UBE2G1: variants seen among roughly 807,000 people sequenced by gnomAD.
The protein encoded by UBE2G1 is ubiquitin-conjugating enzyme E2 G1.
UBE2G1 carries 5 observed loss-of-function variants against 22.7 expected under a neutral mutation model. That is an observed-to-expected ratio of 0.22 (90% confidence interval 0.12 to 0.46). The LOEUF (loss-of-function observed/expected upper bound fraction) is 0.46. Ranked by LOEUF, UBE2G1 falls within the 20% of genes least tolerant of loss-of-function variation. The probability of loss-of-function intolerance (pLI) is 0.99; values close to 1 mark genes in which losing one functional copy is unlikely to be tolerated. For synonymous variants in UBE2G1, 74 were observed against 67.5 expected (o/e 1.10, Z -0.47); for missense variants, 88 against 203.9 (o/e 0.43, Z 3.46).
intron 1 of UBE2G1, among the ~76,000 whole-genome samples, chr17:4,341,019 T>C (rs915032455): frequency 7.0e-6 from 1 of 142,062 alleles, no homozygotes; most frequent in Non-Finnish European, 1.5e-5. Flanking sequence ...ATATTCTGTG[T>C]GAGTAGCACC....
intron 1 of UBE2G1, among the ~76,000 whole-genome samples, chr17:4,320,477 G>A (rs563951016): frequency 6.6e-6 from 1 of 152,222 alleles, no homozygotes; most frequent in Non-Finnish European, 1.5e-5. Flanking sequence ...GTATATAAAT[G>A]GCACATCTAT....
chr17:4,303,193 G>C (rs749096125), intron 2 of UBE2G1, among the ~76,000 whole-genome samples: 2 of 152,140 alleles, frequency 1.3e-5, no homozygotes, highest in Non-Finnish European at 2.9e-5. Context: ...CTACTATGTG[G>C]TTATGTGGAC....
At chr17:4,363,813 G>A (rs560692934) in intron 1 of UBE2G1, among the ~76,000 whole-genome samples, 2 of 151,578 alleles carry the variant, frequency 1.3e-5, no homozygotes, top group South Asian at 2.1e-4. Flanking sequence ...TTAGCCGGGC[G>A]TGGTGGCGGG....
In UBE2G1 at chr17:4,270,036, A is replaced by G. The variant is rs1357844436; in HGVS notation, c.*2518T>C. 1.3e-5 allele frequency: 2 copies of G among 152,532 alleles called. No individual in the cohort carries two copies. The highest frequency in any genetic ancestry group is 2.4e-5 in the African/African-American group (1 of 41,406). 9.4% of individuals were successfully genotyped at this position (152,532 alleles called of 1,614,324 possible). A position where few individuals can be genotyped will look rare whatever the true frequency, so the allele number is the denominator to read the frequency against. On this transcript the variant is annotated 3_prime_UTR_variant, in exon 6 of 6. Transcript: ENST00000396981. ...CAGAGGAAGGGAAGTTGTAACATCT[A>G]TGTAGGCCTGTTTCAGTATGTAACA...
chr17:4,278,446 TA>T lies in UBE2G1; in HGVS notation c.*37+4351del, dbSNP rs35977240. 7.7e-4 allele frequency among the ~76,000 whole-genome samples: 116 copies of T among 151,378 alleles called. 1 individual carries two copies. Among genetic ancestry groups the T allele is most frequent in the African/African-American group, 2.6e-3 (109 of 41,226 alleles). On this transcript the variant is annotated intron_variant, in intron 5 of 5. Transcript: ENST00000396981. ...GCTGATGAACTTAAAAAAGAAAAAA[TA>T]AAAAAAAATCTTGATGTTTTACGAA...
chr17:4,346,583 G>A (rs991511901), intron 1 of UBE2G1, among the ~76,000 whole-genome samples: 3 of 151,420 alleles, frequency 2.0e-5, no homozygotes, highest in Non-Finnish European at 4.4e-5. Flanking sequence ...CTATAGGTGT[G>A]CACCACCATG....
intron 5 of UBE2G1, among the ~76,000 whole-genome samples, chr17:4,280,105 G>A (rs1271592555): frequency 6.7e-6 from 1 of 149,100 alleles, no homozygotes; most frequent in Non-Finnish European, 1.5e-5. Context: ...GCGTGATCTC[G>A]GCTCATCGCA....
chr17:4,341,851 T>C (rs1969716608), intron 1 of UBE2G1, among the ~76,000 whole-genome samples: 1 of 152,198 alleles, frequency 6.6e-6, no homozygotes, highest in African/African-American at 2.4e-5. Context: ...CCCTTGAAGC[T>C]TTCTTCACTT....
intron 1 of UBE2G1, among the ~76,000 whole-genome samples, chr17:4,358,709 T>C (rs1969934703): frequency 6.6e-6 from 1 of 152,192 alleles, no homozygotes; most frequent in Non-Finnish European, 1.5e-5. Flanking sequence ...CCCAGCACTT[T>C]GGGAGGCTGA....
chr17:4,338,646 T>G (rs560724867), intron 1 of UBE2G1, among the ~76,000 whole-genome samples: 1 of 152,220 alleles, frequency 6.6e-6, no homozygotes, highest in East Asian at 1.9e-4. Context: ...TAAATTATAA[T>G]AGCAAACTCT....
At chr17:4,347,937 C>T (rs1191906531) in intron 1 of UBE2G1, among the ~76,000 whole-genome samples, 4 of 152,174 alleles carry the variant, frequency 2.6e-5, no homozygotes, top group African/African-American at 9.7e-5. Flanking sequence ...CTGCCAGTTC[C>T]TGTCTGTCTC....
intron 1 of UBE2G1, among the ~76,000 whole-genome samples, chr17:4,354,316 A>G (rs1969879622): frequency 6.6e-6 from 1 of 152,166 alleles, no homozygotes; most frequent in South Asian, 2.1e-4. Flanking sequence ...CAAGTTCCTG[A>G]AACACCAAAA....
Position 4,281,188 on chromosome 17 carries a change from G to A in UBE2G1, c.*37+1610C>T, listed in dbSNP as rs562820065. ...CTGCAATGAGAATAAGGAGTAGAGC[G>A]GTAATTTACCCAGTGTAATAGCACA... On this transcript the variant is annotated intron_variant, in intron 5 of 5. Coordinates refer to ENST00000396981, the MANE Select transcript of UBE2G1 (RefSeq NM_003342.5). 5.9e-5 allele frequency among the ~76,000 whole-genome samples: 9 copies of A among 152,152 alleles called. No homozygotes were observed. In the East Asian group the frequency reaches 7.7e-4, roughly 13 times the overall value.
intron 5 of UBE2G1, among the ~76,000 whole-genome samples, chr17:4,274,806 A>G (rs1968802813): frequency 6.6e-6 from 1 of 152,168 alleles, no homozygotes; most frequent in African/African-American, 2.4e-5. Flanking sequence ...TAGTCCCAGC[A>G]CTTTGGGAGG....
At position 4,322,861 on chromosome 17, in the gene UBE2G1, A is replaced by G. The variant is rs1697240487; in HGVS notation, c.47-15738T>C. 2.6e-5 allele frequency among the ~76,000 whole-genome samples: 4 copies of G among 152,180 alleles called. No homozygotes were observed. In the South Asian group the frequency reaches 8.3e-4, roughly 31 times the overall value. On this transcript the variant is annotated intron_variant, in intron 1 of 5. Transcript: ENST00000396981. ...ACAAAAATGTATAACCACCAGCAGCATGGAACCACCGAGCACTGTGGCAAC... is the reference window on the plus strand; with the variant it reads ...ACAAAAATGTATAACCACCAGCAGCGTGGAACCACCGAGCACTGTGGCAAC...
intron 1 of UBE2G1, among the ~76,000 whole-genome samples, chr17:4,308,315 T>G (rs1300388166): frequency 6.6e-6 from 1 of 152,140 alleles, no homozygotes; most frequent in Admixed American, 6.5e-5. Flanking sequence ...ATCGCGCCAT[T>G]GCACTCCAGC....
intron 1 of UBE2G1, among the ~76,000 whole-genome samples, chr17:4,347,818 T>C (rs1224748113): frequency 6.6e-6 from 1 of 152,048 alleles, no homozygotes; most frequent in African/African-American, 2.4e-5. Context: ...TGATCTGTGA[T>C]CAGTGATCTT....
chr17:4,302,047 A>AGGG (rs552786501), intron 2 of UBE2G1: 1 of 490,820 alleles, frequency 2.0e-6, no homozygotes, highest in Admixed American at 2.2e-5. Context: ...CAACAAAAAA[A>AGGG]GGGGGGGGAA....
chr17:4,366,451 T>C lies in UBE2G1; in HGVS notation c.-135A>G. 1.1e-6 allele frequency: 1 copy of C among 889,796 alleles called. No individual in the cohort carries two copies. The highest frequency in any genetic ancestry group is 1.5e-6 in the Non-Finnish European group (1 of 653,368). The allele number at this position is 889,796 out of a possible 1,614,324, so 55.1% of individuals were successfully genotyped here. A position where few individuals can be genotyped will look rare whatever the true frequency, so the allele number is the denominator to read the frequency against. On this transcript the variant is annotated 5_prime_UTR_variant, in exon 1 of 6. Coordinates refer to ENST00000396981, the MANE Select transcript of UBE2G1 (RefSeq NM_003342.5). ...GCGCCGGAGCCGAGGAAGGCCGGGC[T>C]GAGGCGGCGGGAGCGGCGCCTCGCT... is the stretch of plus-strand genomic sequence containing the variant.
Sources: gnomAD v4.1 joint callset for allele counts (sites outside exome capture counted in the v4.1 genomes callset) on GRCh38, gnomAD v4.1.1 for gene constraint, MANE v1.5 for transcripts, NCBI Gene and HGNC (gene_info 2026-07-23, HGNC 2026-07-21) for gene names.